Variants in RNF149 observed in about 807,000 individuals in gnomAD.
The protein encoded by RNF149 is E3 ubiquitin-protein ligase RNF149.
RNF149 carries 21 observed loss-of-function variants against 39.0 expected under a neutral mutation model. That is an observed-to-expected ratio of 0.54 (90% CI 0.38 to 0.77). The LOEUF (loss-of-function observed/expected upper bound fraction) is 0.77, where lower values mean the gene tolerates loss of function less well. Among genes scored for constraint, RNF149 ranks in the 30% least tolerant of loss-of-function variants. The probability of loss-of-function intolerance (pLI) is 0.00; values close to 1 mark genes in which losing one functional copy is unlikely to be tolerated. For missense variants in RNF149, 493 were observed against 534.9 expected, an observed-to-expected ratio of 0.92 and a Z score of 0.77; for synonymous variants, 209 against 213.6, an observed-to-expected ratio of 0.98 and a Z score of 0.19.
intron 5 of RNF149, among the ~76,000 whole-genome samples, chr2:101,284,957 C>T (rs1682738126): frequency 6.6e-6 from 1 of 152,252 alleles, no homozygotes; most frequent in East Asian, 1.9e-4. Context: ...TGCAGTGGAA[C>T]GCTCTCAGTT....
chr2:101,300,324 G>C (rs1386450539), intron 1 of RNF149, among the ~76,000 whole-genome samples: 1 of 152,042 alleles, frequency 6.6e-6, no homozygotes, highest in Non-Finnish European at 1.5e-5. Flanking sequence ...ATGAGTGGGA[G>C]ACAGAAGATT....
intron 6 of RNF149, among the ~76,000 whole-genome samples, chr2:101,278,038 A>C (rs1682417206): frequency 6.7e-6 from 1 of 149,218 alleles, no homozygotes; most frequent in African/African-American, 2.4e-5. Context: ...GACAGTTGCT[A>C]TTATGAAGTA....
rs987921990 is a variant in RNF149, at chr2:101,276,965, T to G, written c.*273A>C. On this transcript the variant is annotated 3_prime_UTR_variant, in exon 7 of 7. Coordinates refer to ENST00000295317, the MANE Select transcript of RNF149 (RefSeq NM_173647.4). ...TAGAAACACCACCTGTCCTTTATAT[T>G]AGAGTACCTGCCCCAGTTGTCTTTG... The G allele has an allele frequency of 8.6e-7, 1 of 1,165,900 alleles. No individual in the cohort carries two copies. Among genetic ancestry groups the G allele is most frequent in the African/African-American group, 1.6e-5 (1 of 62,150 alleles). The allele number at this position is 1,165,900 out of a possible 1,614,324, so 72.2% of individuals were successfully genotyped here.
downstream of RNF149, chr2:101,272,932 T>C (rs895334879): frequency 7.4e-6 from 10 of 1,351,632 alleles, no homozygotes; most frequent in African/African-American, 1.5e-5. Flanking sequence ...CTTCCAATCC[T>C]GCTACTGAGG....
In RNF149 at chr2:101,295,055, ATGAAC is replaced by A. The variant is rs1416078210; in HGVS notation, c.582_586del (p.Glu194AspfsTer45). 1 of 1,614,202 alleles carries A rather than the reference ATGAAC, an allele frequency of 6.2e-7. No homozygotes were observed. On this transcript the variant is annotated frameshift_variant, in exon 2 of 7. Coordinates refer to ENST00000295317, the MANE Select transcript of RNF149 (RefSeq NM_173647.4). LOFTEE classifies it high-confidence loss of function. ...CACAAACACCACAGACTGACCGCTGATGAACTCCTGTACATGCCGGGTGCCAACCC... is the reference window on the plus strand; with the variant it reads ...CACAAACACCACAGACTGACCGCTGATCCTGTACATGCCGGGTGCCAACCC...
intron 1 of RNF149, among the ~76,000 whole-genome samples, chr2:101,304,237 A>T (rs1462245883): frequency 6.6e-6 from 1 of 152,082 alleles, no homozygotes; most frequent in Non-Finnish European, 1.5e-5. Flanking sequence ...TCTTTACAAA[A>T]AATACAAAAA....
intron 3 of RNF149, among the ~76,000 whole-genome samples, chr2:101,292,067 G>A (rs1374946526): frequency 6.6e-6 from 1 of 152,168 alleles, no homozygotes; most frequent in South Asian, 2.1e-4. Context: ...CATCTAACAC[G>A]AAGCCTATTT....
At chr2:101,296,749 A>G (rs1683250012) in intron 1 of RNF149, among the ~76,000 whole-genome samples, 1 of 152,224 alleles carries the variant, frequency 6.6e-6, no homozygotes, top group East Asian at 1.9e-4. Flanking sequence ...ATAAAAAAAG[A>G]GGAAACATCC....
chr2:101,294,087 G>C lies in RNF149; in HGVS notation c.712-5C>G. On this transcript the variant is annotated splice_polypyrimidine_tract_variant and splice_region_variant and intron_variant, in intron 2 of 6. Coordinates refer to ENST00000295317, the MANE Select transcript of RNF149 (RefSeq NM_173647.4). The stretch of plus-strand genomic sequence containing the variant: ...CTTAGTTTCTTTTCTATGGCTCTTG[G>C]GTAGGAAAATATTAATACAGTTATT... 1 of 1,508,090 alleles carries C rather than the reference G, an allele frequency of 6.6e-7. No individual in the cohort carries two copies. The highest frequency in any genetic ancestry group is 9.2e-7 in the Non-Finnish European group (1 of 1,088,004). The allele number at this position is 1,508,090 out of a possible 1,614,324, so 93.4% of individuals were successfully genotyped here.
intron 1 of RNF149, among the ~76,000 whole-genome samples, chr2:101,307,335 C>A (rs1373029301): frequency 3.3e-5 from 5 of 152,128 alleles, no homozygotes; most frequent in Admixed American, 6.6e-5. Flanking sequence ...GCGGGCGCCA[C>A]CACGTCCACG....
intron 1 of RNF149, among the ~76,000 whole-genome samples, chr2:101,305,756 G>T (rs1683632367): frequency 6.6e-6 from 1 of 152,152 alleles, no homozygotes. Context: ...AGAGAACAAA[G>T]AATTATCTGG....
intron 4 of RNF149, chr2:101,286,449 AT>A (rs1682797328): frequency 3.9e-6 from 1 of 258,980 alleles, no homozygotes; most frequent in Non-Finnish European, 7.3e-6. Context: ...TCTGTAAGTT[AT>A]TTGAAAGCTT....
intron 1 of RNF149, among the ~76,000 whole-genome samples, chr2:101,295,755 C>A (rs1244710774): frequency 6.7e-6 from 1 of 148,260 alleles, no homozygotes; most frequent in Non-Finnish European, 1.5e-5. Flanking sequence ...GCACAAGAAA[C>A]ACCAACAACA....
chr2:101,289,392 A>C (rs1451810196), intron 3 of RNF149, among the ~76,000 whole-genome samples: 6 of 151,956 alleles, frequency 3.9e-5, no homozygotes, highest in African/African-American at 1.5e-4. Context: ...TTATTGTTTT[A>C]TTTATTTATT....
intron 5 of RNF149, among the ~76,000 whole-genome samples, chr2:101,282,442 TAAAC>T (rs1682629478): frequency 6.6e-6 from 1 of 152,042 alleles, no homozygotes; most frequent in African/African-American, 2.4e-5. Context: ...GTTTCAGAAA[TAAAC>T]AAGGCTTTTG....
chr2:101,275,121 T>G (rs1172754209), downstream of RNF149, among the ~76,000 whole-genome samples: 2 of 127,138 alleles, frequency 1.6e-5, no homozygotes, highest in South Asian at 2.8e-4. Flanking sequence ...GTTTTTTTTT[T>G]TTTTTTTTTT....
chr2:101,273,263 G>A (rs770380563), downstream of RNF149: 28 of 560,630 alleles, frequency 5.0e-5, no homozygotes, highest in Non-Finnish European at 7.4e-5. Flanking sequence ...GCACAGTCAC[G>A]GACACTGCCT....
intron 2 of RNF149, chr2:101,294,344 C>CA: frequency 3.1e-6 from 1 of 327,546 alleles, no homozygotes. Flanking sequence ...AGAGGTGTTT[C>CA]ACCAAGAGTA....
At chr2:101,298,657 AAAAAAACCCC>A (rs1683332713) in intron 1 of RNF149, among the ~76,000 whole-genome samples, 1 of 152,056 alleles carries the variant, frequency 6.6e-6, no homozygotes, top group African/African-American at 2.4e-5. Context: ...ACAAACAAAC[AAAAAAACCCC>A]AAAAAACAAA....
Sources: allele counts gnomAD v4.1 joint callset (sites outside exome capture counted in the v4.1 genomes callset), GRCh38; gene constraint gnomAD v4.1.1; transcripts MANE v1.5; gene names NCBI Gene and HGNC (gene_info 2026-07-23, HGNC 2026-07-21).